HABP4: variants seen among roughly 807,000 people sequenced by gnomAD.
HABP4 encodes hyaluronan binding protein 4.
HABP4 carries 32 observed loss-of-function variants against 44.1 expected under a neutral mutation model. The observed-to-expected ratio is 0.73, with a 90% CI of 0.55 to 0.97. The LOEUF (loss-of-function observed/expected upper bound fraction) is 0.97. HABP4 is among the 50% of genes least tolerant of loss of function. HABP4 has a pLI of 0.00. For synonymous variants in HABP4, 216 were observed against 218.0 expected, an observed-to-expected ratio of 0.99 and a Z score of 0.08; for missense variants, 503 against 561.9, an observed-to-expected ratio of 0.90 and a Z score of 1.06.
intron 4 of HABP4, among the ~76,000 whole-genome samples, chr9:96,469,654 C>T (rs1020188625): frequency 6.6e-6 from 1 of 152,100 alleles, no homozygotes; most frequent in East Asian, 1.9e-4. Flanking sequence ...TCCCAAGTAG[C>T]TGGGACTACA....
intron 5 of HABP4, among the ~76,000 whole-genome samples, chr9:96,478,968 T>G (rs1396486072): frequency 6.6e-6 from 1 of 152,180 alleles, no homozygotes; most frequent in African/African-American, 2.4e-5. Context: ...CTAATAATGT[T>G]GAGCATTTTT....
chr9:96,465,273 T>C, intron 2 of HABP4, 64 bp from the exon 3 acceptor site: 3 of 1,037,064 alleles, frequency 2.9e-6, no homozygotes, highest in Admixed American at 2.1e-5. Flanking sequence ...TCTTTTAGAA[T>C]TTTTTTCTGG....
chr9:96,472,899 T>C (rs1832721060), intron 5 of HABP4, among the ~76,000 whole-genome samples: 1 of 152,216 alleles, frequency 6.6e-6, no homozygotes, highest in Non-Finnish European at 1.5e-5. Flanking sequence ...TGCGTCTTTC[T>C]TGACCTCTCA....
At position 96,488,295 on chromosome 9, in the gene HABP4, T is replaced by C. The variant is rs759323408; in HGVS notation, c.1185+21T>C. Reference sequence around the variant, plus strand: ...TGGTGGTAGGTGTCTGTATTGACGGTTTGGCGAAAGAAGTTAATAAGGACA... The same window carrying C: ...TGGTGGTAGGTGTCTGTATTGACGGCTTGGCGAAAGAAGTTAATAAGGACA... On this transcript the variant is annotated intron_variant, in intron 7 of 7. Transcript: ENST00000375249. This position sits in a 1 kb window ranked among gnomAD's most constrained non-coding sequence, Gnocchi z 4.6. 2 of 1,575,256 alleles carry C rather than the reference T, an allele frequency of 1.3e-6. No homozygotes were observed. Among genetic ancestry groups the C allele is most frequent in the Non-Finnish European group, 1.7e-6 (2 of 1,153,426 alleles).
Position 96,488,284 on chromosome 9 carries a change from T to A in HABP4, c.1185+10T>A. 1 of 1,594,198 alleles carries A rather than the reference T, an allele frequency of 6.3e-7. No individual in the cohort carries two copies. The highest frequency in any genetic ancestry group is 8.6e-7 in the Non-Finnish European group (1 of 1,166,644). On this transcript the variant is annotated intron_variant, in intron 7 of 7. Transcript: ENST00000375249. This position sits in a 1 kb window ranked among gnomAD's most constrained non-coding sequence, Gnocchi z 4.6. Reference sequence around the variant, plus strand: ...CAGAGCAGAAGTGGTGGTAGGTGTCTGTATTGACGGTTTGGCGAAAGAAGT... The same window carrying A: ...CAGAGCAGAAGTGGTGGTAGGTGTCAGTATTGACGGTTTGGCGAAAGAAGT...
At position 96,490,091 on chromosome 9, in the gene HABP4, C is replaced by G; in HGVS notation, c.*53C>G. 9.5e-7 allele frequency: 1 copy of G among 1,050,822 alleles called. No homozygotes were observed. 65.1% of individuals were successfully genotyped at this position (1,050,822 alleles called of 1,614,324 possible). On this transcript the variant is annotated 3_prime_UTR_variant, in exon 8 of 8. Transcript: ENST00000375249. Reference sequence around the variant, plus strand: ...GCTGCACTGCACACCTGTGGGGAGACTTTTCCAGCTGGGCCAAGGGAGTCA... The same window carrying G: ...GCTGCACTGCACACCTGTGGGGAGAGTTTTCCAGCTGGGCCAAGGGAGTCA...
Position 96,484,532 on chromosome 9 carries a change from C to CAAGAACAGACCAGACCA in HABP4, c.902_918dup (p.Pro307AsnfsTer24), listed in dbSNP as rs747218793. 1.3e-6 allele frequency: 2 copies of CAAGAACAGACCAGACCA among 1,587,022 alleles called. No homozygotes were observed. The highest frequency in any genetic ancestry group is 1.7e-6 in the Non-Finnish European group (2 of 1,155,298). On this transcript the variant is annotated frameshift_variant, in exon 6 of 8. Transcript: ENST00000375249. LOFTEE classifies it high-confidence loss of function. Reference sequence around the variant, plus strand: ...GACTTTAGATGAGTGGAAAAATCTTCAAGAACAGACCAGACCAAAGCCTGA... The same window carrying CAAGAACAGACCAGACCA: ...GACTTTAGATGAGTGGAAAAATCTTCAAGAACAGACCAGACCAAAGAACAGACCAGACCAAAGCCTGA...
At chr9:96,481,802 G>T (rs1180852074) in intron 5 of HABP4, among the ~76,000 whole-genome samples, 1 of 151,946 alleles carries the variant, frequency 6.6e-6, no homozygotes, top group Non-Finnish European at 1.5e-5. Flanking sequence ...TTTGGGGTAT[G>T]TTACATTATT....
At chr9:96,457,426 C>T (rs1476892420) in intron 1 of HABP4, among the ~76,000 whole-genome samples, 1 of 152,124 alleles carries the variant, frequency 6.6e-6, no homozygotes, top group Non-Finnish European at 1.5e-5. Flanking sequence ...AAAGAGATGC[C>T]CTCAAGTACT....
chr9:96,490,098 A>G lies in HABP4; in HGVS notation c.*60A>G, dbSNP rs2131168502. On this transcript the variant is annotated 3_prime_UTR_variant, in exon 8 of 8. Transcript: ENST00000375249. ...TGCACACCTGTGGGGAGACTTTTCCAGCTGGGCCAAGGGAGTCAGACTCTA... is the reference window on the plus strand; with the variant it reads ...TGCACACCTGTGGGGAGACTTTTCCGGCTGGGCCAAGGGAGTCAGACTCTA... 1 of 968,290 alleles carries G rather than the reference A, an allele frequency of 1.0e-6. No individual in the cohort carries two copies. Among genetic ancestry groups the G allele is most frequent in the South Asian group, 1.3e-5 (1 of 77,980 alleles). The allele number at this position is 968,290 out of a possible 1,614,324, so 60.0% of individuals were successfully genotyped here.
Position 96,490,195 on chromosome 9 carries a change from G to A in HABP4, c.*157G>A. 1.6e-6 allele frequency: 1 copy of A among 622,294 alleles called. No homozygotes were observed. 38.5% of individuals were successfully genotyped at this position (622,294 alleles called of 1,614,324 possible). The stretch of plus-strand genomic sequence containing the variant: ...TTTTTTGGGCTGAGCTGTTAGAGGG[G>A]CTTCTCCAGAGGCTCGAGAGCAGGC... On this transcript the variant is annotated 3_prime_UTR_variant, in exon 8 of 8. Coordinates refer to ENST00000375249, the MANE Select transcript of HABP4 (RefSeq NM_014282.4).
chr9:96,478,541 T>C (rs1587685835), intron 5 of HABP4, among the ~76,000 whole-genome samples: 1 of 152,184 alleles, frequency 6.6e-6, no homozygotes, highest in Non-Finnish European at 1.5e-5. Context: ...TTTCACTTTG[T>C]AAGAAGCTGC....
At position 96,450,928 on chromosome 9, in the gene HABP4, G is replaced by A. The variant is rs2131105032; in HGVS notation, c.349+300G>A. ...GGTTGTCTGGGTGGCGTGTGGGGGCGAACGGCTGAGGTCGCTACCCCGGGG... is the reference window on the plus strand; with the variant it reads ...GGTTGTCTGGGTGGCGTGTGGGGGCAAACGGCTGAGGTCGCTACCCCGGGG... On this transcript the variant is annotated intron_variant, in intron 1 of 7. Coordinates refer to ENST00000375249, the MANE Select transcript of HABP4 (RefSeq NM_014282.4). The surrounding 1 kb of genome is among the most constrained non-coding windows in gnomAD (Gnocchi z 4.8). 6.6e-6 allele frequency among the ~76,000 whole-genome samples: 1 copy of A among 152,318 alleles called. No homozygotes were observed. Among genetic ancestry groups the A allele is most frequent in the South Asian group, 2.1e-4 (1 of 4,830 alleles).
At chr9:96,455,189 G>A (rs1832352495) in intron 1 of HABP4, among the ~76,000 whole-genome samples, 1 of 152,162 alleles carries the variant, frequency 6.6e-6, no homozygotes, top group South Asian at 2.1e-4. Context: ...AGTGGCTTAT[G>A]TGTGTAATCC....
intron 5 of HABP4, among the ~76,000 whole-genome samples, chr9:96,475,351 G>A (rs111437380): frequency 0.024 from 3,518 of 145,004 alleles, 148 homozygotes; most frequent in African/African-American, 0.091. Context: ...ACTCCAGCCT[G>A]GGTGACAGAG....
chr9:96,471,042 C>A lies in HABP4; in HGVS notation c.775C>A (p.Pro259Thr). 1 of 1,608,912 alleles carries A rather than the reference C, an allele frequency of 6.2e-7. No homozygotes were observed. Among genetic ancestry groups the A allele is most frequent in the Non-Finnish European group, 8.5e-7 (1 of 1,175,284 alleles). Residue 259 changes from proline to threonine, a missense_variant, in exon 5 of 8, where the codon CCC (proline) becomes ACC (threonine). Around this residue, in one of 3 missense-constraint regions of HABP4, gnomAD observed 131 missense variants for 189.8 expected, o/e 0.69. Transcript: ENST00000375249. ...GGAGCCAACTGCACCGATGGAGGAA[C>A]CCACAGTGGTGGAGGAGTCCCAGGG... ...DVEPTAPMEEPTVVEESQGTP... is the reference protein window; with the variant it reads ...DVEPTAPMEETTVVEESQGTP...
At chr9:96,485,749 A>G (rs375552833) in intron 6 of HABP4, among the ~76,000 whole-genome samples, 47 of 152,212 alleles carry the variant, frequency 3.1e-4, no homozygotes, top group African/African-American at 1.1e-3. Context: ...GTATCATTCC[A>G]TCTACAGCTT....
chr9:96,460,154 G>A (rs1483587706), intron 2 of HABP4, among the ~76,000 whole-genome samples: 1 of 152,050 alleles, frequency 6.6e-6, no homozygotes, highest in Non-Finnish European at 1.5e-5. Context: ...CTTTATATGT[G>A]ACATGAAAAA....
At chr9:96,484,219 T>C in intron 5 of HABP4, 1 of 373,858 alleles carries the variant, frequency 2.7e-6, no homozygotes, top group South Asian at 4.3e-5. Context: ...AGGATGGTGA[T>C]GTTCCCATTT....
Sources: gnomAD v4.1 joint callset for allele counts (sites outside exome capture counted in the v4.1 genomes callset) on GRCh38, gnomAD v4.1.1 for gene constraint, gnomAD v4.1.1 regional missense constraint, Gnocchi (gnomAD v3.1) non-coding constraint, MANE v1.5 for transcripts, NCBI Gene and HGNC (gene_info 2026-07-23, HGNC 2026-07-21) for gene names.